The following CDYL2 variants were observed in gnomAD, a reference collection of about 807,000 sequenced individuals.
CDYL2 encodes chromodomain Y like 2.
Under a neutral mutation model 49.4 loss-of-function variants are expected in CDYL2, and 23 were observed. The observed-to-expected ratio is 0.47, with a 90% CI of 0.34 to 0.66. The LOEUF is 0.66. Among genes scored for constraint, CDYL2 ranks in the 30% least tolerant of loss-of-function variants. CDYL2 has a pLI of 0.01. For missense variants in CDYL2, 678 were observed against 656.4 expected (o/e 1.03, Z -0.36); for synonymous variants, 360 against 268.8 (o/e 1.34, Z -3.32).
chr16:80,682,964 T>A (rs980120359), intron 2 of CDYL2, among the ~76,000 whole-genome samples: 1 of 152,100 alleles, frequency 6.6e-6, no homozygotes, highest in East Asian at 1.9e-4. Flanking sequence ...TGGGTGAAAT[T>A]CCTCTCTCTG....
intron 1 of CDYL2, among the ~76,000 whole-genome samples, chr16:80,722,818 C>T (rs535803900): frequency 5.9e-5 from 9 of 152,322 alleles, no homozygotes; most frequent in Middle Eastern, 3.4e-3. Flanking sequence ...AGACAGACTA[C>T]GGCCCTACTC....
chr16:80,796,240 C>A (rs771514884), intron 1 of CDYL2, among the ~76,000 whole-genome samples: 2 of 152,144 alleles, frequency 1.3e-5, no homozygotes, highest in Non-Finnish European at 2.9e-5. Flanking sequence ...AGTTTTGAGG[C>A]CTTTCAACTG....
At chr16:80,786,527 C>A (rs1907441418) in intron 1 of CDYL2, among the ~76,000 whole-genome samples, 1 of 152,168 alleles carries the variant, frequency 6.6e-6, no homozygotes, top group Admixed American at 6.5e-5. Context: ...GAGTGTAAAT[C>A]AGTCCAACCA....
chr16:80,726,104 G>C (rs994167926), intron 1 of CDYL2, among the ~76,000 whole-genome samples: 6 of 152,198 alleles, frequency 3.9e-5, no homozygotes, highest in Non-Finnish European at 8.8e-5. Flanking sequence ...TGTCAAGTTT[G>C]ATGAAATAAG....
At position 80,804,099 on chromosome 16, in the gene CDYL2, C is replaced by T. The variant is rs766292393; in HGVS notation, c.24+51G>A. On this transcript the variant is annotated intron_variant, in intron 1 of 6. Coordinates refer to ENST00000570137, the MANE Select transcript of CDYL2 (RefSeq NM_152342.4). Reference sequence around the variant, plus strand: ...CGGTCCCCGCCGCCCGCCGCCGCCGCCCGCCGCCGCCCGCTGACTGGGGCC... The same window carrying T: ...CGGTCCCCGCCGCCCGCCGCCGCCGTCCGCCGCCGCCCGCTGACTGGGGCC... 2.0e-6 allele frequency: 2 copies of T among 997,006 alleles called. 1 individual carries two copies. Among genetic ancestry groups the T allele is most frequent in the South Asian group, 8.5e-5 (2 of 23,598 alleles). 61.8% of individuals were successfully genotyped at this position (997,006 alleles called of 1,614,324 possible).
intron 1 of CDYL2, among the ~76,000 whole-genome samples, chr16:80,747,448 C>G (rs1023160080): frequency 2.0e-5 from 3 of 152,182 alleles, no homozygotes; most frequent in Non-Finnish European, 2.9e-5. Context: ...GGACTAGACA[C>G]AAGGCCGGGA....
chr16:80,682,778 T>A (rs536238158), intron 2 of CDYL2, among the ~76,000 whole-genome samples: 1 of 152,236 alleles, frequency 6.6e-6, no homozygotes, highest in South Asian at 2.1e-4. Flanking sequence ...CACAGCAACA[T>A]CAAACACGGG....
chr16:80,799,744 C>T (rs893903415), intron 1 of CDYL2, among the ~76,000 whole-genome samples: 1 of 152,214 alleles, frequency 6.6e-6, no homozygotes, highest in Non-Finnish European at 1.5e-5. Flanking sequence ...TGAAAATAAG[C>T]TGATGCCTGC....
intron 5 of CDYL2, among the ~76,000 whole-genome samples, chr16:80,609,190 T>TAG (rs1294418265): frequency 5.3e-5 from 8 of 152,360 alleles, no homozygotes; most frequent in African/African-American, 1.9e-4. Flanking sequence ...GATAAAGTCC[T>TAG]GCACAGACAG....
chr16:80,709,770 T>C (rs1262314297), intron 1 of CDYL2, among the ~76,000 whole-genome samples: 6 of 152,306 alleles, frequency 3.9e-5, no homozygotes, highest in African/African-American at 1.4e-4. Context: ...GCCACATTTA[T>C]TGTAGGAATT....
intron 1 of CDYL2, among the ~76,000 whole-genome samples, chr16:80,724,300 A>C (rs1597100246): frequency 1.3e-5 from 2 of 150,462 alleles, no homozygotes; most frequent in East Asian, 4.0e-4. Context: ...AAGAAAGGAG[A>C]AGAGAGAGAG....
chr16:80,736,348 T>C (rs1026663420), intron 1 of CDYL2: 13 of 152,154 alleles, frequency 8.5e-5, no homozygotes, highest in Admixed American at 5.9e-4. Flanking sequence ...TGAGTTTAGT[T>C]TGCAACACTG....
chr16:80,698,708 G>C (rs1007194310), intron 1 of CDYL2, among the ~76,000 whole-genome samples: 8 of 151,950 alleles, frequency 5.3e-5, no homozygotes, highest in Non-Finnish European at 7.4e-5. Flanking sequence ...TCTTACTTCT[G>C]CTCCTGCCAT....
intron 2 of CDYL2, among the ~76,000 whole-genome samples, chr16:80,640,699 T>G (rs1443890336): frequency 6.6e-6 from 1 of 152,008 alleles, no homozygotes; most frequent in Non-Finnish European, 1.5e-5. Flanking sequence ...AAATTAAAAA[T>G]AACACAGAGA....
chr16:80,698,121 C>G (rs1022821823), intron 1 of CDYL2, among the ~76,000 whole-genome samples: 1 of 152,120 alleles, frequency 6.6e-6, no homozygotes, highest in East Asian at 1.9e-4. Flanking sequence ...AAGCTGGAGG[C>G]ATCATACTAC....
intron 2 of CDYL2, among the ~76,000 whole-genome samples, chr16:80,656,482 G>A (rs80180521): frequency 0.026 from 3,947 of 152,324 alleles, 138 homozygotes; most frequent in African/African-American, 0.07. Flanking sequence ...CCACTGTCCT[G>A]CGTGTGAAAT....
At chr16:80,715,143 C>T (rs546142667) in intron 1 of CDYL2, among the ~76,000 whole-genome samples, 1 of 152,092 alleles carries the variant, frequency 6.6e-6, no homozygotes, top group Non-Finnish European at 1.5e-5. Flanking sequence ...AGCAGAACTT[C>T]GACCCAAGCC....
chr16:80,773,305 T>C (rs561429538), intron 1 of CDYL2, among the ~76,000 whole-genome samples: 51 of 152,130 alleles, frequency 3.4e-4, no homozygotes, highest in African/African-American at 1.1e-3. Flanking sequence ...AATGTAAAAA[T>C]TGGCAAAACT....
At chr16:80,690,608 A>C (rs1910377361) in intron 1 of CDYL2, among the ~76,000 whole-genome samples, 1 of 152,202 alleles carries the variant, frequency 6.6e-6, no homozygotes, top group Non-Finnish European at 1.5e-5. Flanking sequence ...TCCAAATCCC[A>C]TGCTCTCGGC....
Sources: gnomAD v4.1 joint callset for allele counts (sites outside exome capture counted in the v4.1 genomes callset) on GRCh38, gnomAD v4.1.1 for gene constraint, MANE v1.5 for transcripts, NCBI Gene and HGNC (gene_info 2026-07-23, HGNC 2026-07-21) for gene names.